Variants in AGBL4 observed in about 807,000 individuals in gnomAD.
The protein encoded by AGBL4 is AGBL carboxypeptidase 4.
AGBL4 carries 58 observed loss-of-function variants against 66.4 expected under a neutral mutation model. That is an observed-to-expected ratio of 0.87 (90% CI 0.71 to 1.09). The LOEUF (loss-of-function observed/expected upper bound fraction) is 1.09, where lower values mean the gene tolerates loss of function less well. Among genes scored for constraint, AGBL4 ranks in the 50% least tolerant of loss-of-function variants. The pLI, the probability that AGBL4 is intolerant of heterozygous loss-of-function variation, is 0.00. For synonymous variants in AGBL4, 234 were observed against 222.9 expected (o/e 1.05, Z -0.44); for missense variants, 579 against 631.0 (o/e 0.92, Z 0.88).
chr1:49,813,167 A>G (rs1413832218), intron 2 of AGBL4, among the ~76,000 whole-genome samples: 2 of 152,154 alleles, frequency 1.3e-5, no homozygotes, highest in African/African-American at 4.8e-5. Flanking sequence ...CTGATAATAC[A>G]CAAATAAACT....
chr1:48,591,099 C>CA (rs1644912674), intron 9 of AGBL4, 114 bp from the exon 10 acceptor site: 5 of 706,252 alleles, frequency 7.1e-6, no homozygotes, highest in Non-Finnish European at 1.1e-5. Flanking sequence ...CACCCCCCCC[C>CA]ACACACACAC....
intron 5 of AGBL4, among the ~76,000 whole-genome samples, chr1:48,979,450 A>G (rs993235963): frequency 6.6e-6 from 1 of 152,178 alleles, no homozygotes; most frequent in Non-Finnish European, 1.5e-5. Context: ...GACATTGATG[A>G]AAAAAATCAC....
At chr1:49,482,610 C>G (rs939455308) in intron 3 of AGBL4, among the ~76,000 whole-genome samples, 2 of 151,510 alleles carry the variant, frequency 1.3e-5, no homozygotes, top group African/African-American at 4.8e-5. Flanking sequence ...AATGGTTTAT[C>G]ATGTCCCTAT....
chr1:49,054,174 A>T (rs1376966422), intron 4 of AGBL4, among the ~76,000 whole-genome samples: 1 of 152,090 alleles, frequency 6.6e-6, no homozygotes, highest in Non-Finnish European at 1.5e-5. Context: ...ATGAAGTGGT[A>T]GCTGTCAATG....
chr1:49,320,278 A>G (rs1432089483), intron 3 of AGBL4, among the ~76,000 whole-genome samples: 1 of 152,108 alleles, frequency 6.6e-6, no homozygotes, highest in Non-Finnish European at 1.5e-5. Flanking sequence ...AAAAATTTAA[A>G]CCATAGCACA....
At chr1:48,759,023 G>A (rs1644108522) in intron 6 of AGBL4, 4 of 1,614,016 alleles carry the variant, frequency 2.5e-6, no homozygotes, top group South Asian at 1.1e-5. Flanking sequence ...AGCTGCCTCC[G>A]AGTCCGCTCC....
chr1:49,552,138 G>T (rs921916126), intron 3 of AGBL4, among the ~76,000 whole-genome samples: 3 of 152,090 alleles, frequency 2.0e-5, no homozygotes, highest in Non-Finnish European at 4.4e-5. Flanking sequence ...TGAAGGGCCG[G>T]TCTCACTCCC....
At chr1:49,566,716 G>A (rs530013672) in intron 3 of AGBL4, among the ~76,000 whole-genome samples, 2 of 152,324 alleles carry the variant, frequency 1.3e-5, no homozygotes, top group South Asian at 2.1e-4. Flanking sequence ...CTACTGGGAG[G>A]TGCCTCCCAG....
At chr1:49,223,517 G>C (rs1286925466) in intron 4 of AGBL4, among the ~76,000 whole-genome samples, 3 of 152,148 alleles carry the variant, frequency 2.0e-5, no homozygotes, top group Admixed American at 2.0e-4. Context: ...TTTTGTGTTT[G>C]AAATGACTTC....
intron 8 of AGBL4, among the ~76,000 whole-genome samples, chr1:48,644,684 T>C (rs534307719): frequency 6.6e-6 from 1 of 152,100 alleles, no homozygotes; most frequent in South Asian, 2.1e-4. Context: ...GAGGAACAGA[T>C]GGGAGTGGAT....
rs1231136851 is a variant in AGBL4, at chr1:49,875,491, A to C, written c.35-23973T>G. 4.1e-5 allele frequency among the ~76,000 whole-genome samples: 6 copies of C among 145,102 alleles called. No individual in the cohort carries two copies. The Admixed American group carries it at 4.2e-4, about 10-fold the overall frequency. ...TCCCTACAAAGGACATGAACTCATC[A>C]TTTTTTATGGCTGCATAGTATTCTA... On this transcript the variant is annotated intron_variant, in intron 1 of 13. Transcript: ENST00000371839.
chr1:49,261,214 CA>C (rs1327022264), intron 3 of AGBL4, among the ~76,000 whole-genome samples: 1 of 150,790 alleles, frequency 6.6e-6, no homozygotes, highest in Non-Finnish European at 1.5e-5. Flanking sequence ...ACTGAATGGG[CA>C]AAAACTGGAA....
intron 2 of AGBL4, among the ~76,000 whole-genome samples, chr1:49,741,781 C>A (rs1422459333): frequency 2.0e-5 from 3 of 152,170 alleles, no homozygotes; most frequent in African/African-American, 7.2e-5. Flanking sequence ...AGCATATAAA[C>A]AGAACCAAAG....
At chr1:49,011,800 A>G (rs1662441157) in intron 5 of AGBL4, among the ~76,000 whole-genome samples, 1 of 147,726 alleles carries the variant, frequency 6.8e-6, no homozygotes, top group Non-Finnish European at 1.5e-5. Flanking sequence ...CAAACACCGC[A>G]TATTCTCACT....
At chr1:49,612,495 T>C (rs1428440435) in intron 3 of AGBL4, among the ~76,000 whole-genome samples, 1 of 152,164 alleles carries the variant, frequency 6.6e-6, no homozygotes, top group African/African-American at 2.4e-5. Flanking sequence ...TAGATTCTAA[T>C]ATCCAGAAAC....
intron 3 of AGBL4, among the ~76,000 whole-genome samples, chr1:49,531,183 T>G (rs987675561): frequency 6.6e-6 from 1 of 152,156 alleles, no homozygotes; most frequent in Admixed American, 6.5e-5. Context: ...AACCCTAGCA[T>G]CAGTCTCTGC....
intron 8 of AGBL4, among the ~76,000 whole-genome samples, chr1:48,645,119 TTTG>T (rs1384732187): frequency 1.3e-5 from 2 of 152,198 alleles, no homozygotes; most frequent in Non-Finnish European, 2.9e-5. Flanking sequence ...GGGAAGCTCA[TTTG>T]AATAATTGGT....
chr1:49,325,798 T>A (rs1645217999), intron 3 of AGBL4, among the ~76,000 whole-genome samples: 1 of 152,224 alleles, frequency 6.6e-6, no homozygotes, highest in Admixed American at 6.5e-5. Flanking sequence ...TTTAGCACCA[T>A]CGTCTTGGTG....
chr1:49,317,358 T>C (rs1255840175), intron 3 of AGBL4, among the ~76,000 whole-genome samples: 1 of 151,900 alleles, frequency 6.6e-6, no homozygotes, highest in Non-Finnish European at 1.5e-5. Flanking sequence ...TGCGAATATT[T>C]TGTGGAATAA....
Sources: gnomAD v4.1 joint callset for allele counts (sites outside exome capture counted in the v4.1 genomes callset) on GRCh38, gnomAD v4.1.1 for gene constraint, MANE v1.5 for transcripts, NCBI Gene and HGNC (gene_info 2026-07-23, HGNC 2026-07-21) for gene names.